KCNIP4: variants seen among roughly 807,000 people sequenced by gnomAD.
The protein encoded by KCNIP4 is potassium voltage-gated channel interacting protein 4, also known as Kv channel-interacting protein 4.
KCNIP4 carries 12 observed loss-of-function variants against 34.0 expected under a neutral mutation model. The observed-to-expected ratio is 0.35, with a 90% confidence interval of 0.23 to 0.57. The LOEUF (loss-of-function observed/expected upper bound fraction) is 0.57, where lower values mean the gene tolerates loss of function less well. Ranked by LOEUF, KCNIP4 falls within the 20% of genes least tolerant of loss-of-function variation. The probability of loss-of-function intolerance (pLI) is 0.83; values close to 1 mark genes in which losing one functional copy is unlikely to be tolerated. For synonymous variants in KCNIP4, 124 were observed against 102.2 expected (o/e 1.21, Z -1.29); for missense variants, 238 against 311.7 (o/e 0.76, Z 1.78).
At chr4:21,045,845 T>C (rs998822991) in intron 1 of KCNIP4, among the ~76,000 whole-genome samples, 6 of 152,238 alleles carry the variant, frequency 3.9e-5, no homozygotes, top group African/African-American at 1.4e-4. Context: ...GCCAGGCATC[T>C]CATTTCATGA....
intron 1 of KCNIP4, among the ~76,000 whole-genome samples, chr4:21,121,623 A>T (rs1750164341): frequency 6.6e-6 from 1 of 152,278 alleles, no homozygotes; most frequent in Non-Finnish European, 1.5e-5. Flanking sequence ...ACCTTGAGCA[A>T]GTTACTTAAC....
At chr4:21,206,666 T>G (rs1436288073) in intron 1 of KCNIP4, among the ~76,000 whole-genome samples, 1 of 152,202 alleles carries the variant, frequency 6.6e-6, no homozygotes, top group East Asian at 1.9e-4. Context: ...AGTTGCTTTA[T>G]TGTTTTAACA....
At chr4:21,587,713 A>G (rs1038201143) in intron 1 of KCNIP4, among the ~76,000 whole-genome samples, 5 of 152,078 alleles carry the variant, frequency 3.3e-5, no homozygotes, top group Non-Finnish European at 7.4e-5. Flanking sequence ...AGGAATGACC[A>G]AGAGAACCAT....
At chr4:21,904,519 C>A (rs780045950) in intron 1 of KCNIP4, among the ~76,000 whole-genome samples, 7 of 152,128 alleles carry the variant, frequency 4.6e-5, no homozygotes, top group Non-Finnish European at 1.0e-4. Flanking sequence ...GCTGATTGAA[C>A]CAGTGTCTCA....
chr4:21,912,929 A>C (rs940988686), intron 1 of KCNIP4, among the ~76,000 whole-genome samples: 14 of 151,974 alleles, frequency 9.2e-5, no homozygotes, highest in African/African-American at 3.1e-4. Flanking sequence ...TATTTTTAAA[A>C]TTCCCCTCTG....
intron 1 of KCNIP4, among the ~76,000 whole-genome samples, chr4:21,318,983 T>A: frequency 6.6e-6 from 1 of 152,156 alleles, no homozygotes; most frequent in East Asian, 1.9e-4. Flanking sequence ...TTGATAATGG[T>A]TGTACACACC....
At chr4:21,735,344 A>G (rs749506053) in intron 1 of KCNIP4, among the ~76,000 whole-genome samples, 1 of 152,224 alleles carries the variant, frequency 6.6e-6, no homozygotes, top group Non-Finnish European at 1.5e-5. Context: ...ATGAAGTTAT[A>G]ATTCAATAAA....
At chr4:20,757,761 T>A (rs1419791879) in intron 4 of KCNIP4, among the ~76,000 whole-genome samples, 3 of 152,144 alleles carry the variant, frequency 2.0e-5, no homozygotes, top group Non-Finnish European at 4.4e-5. Context: ...AGTTTCCACG[T>A]GTGTATCTTT....
intron 5 of KCNIP4, among the ~76,000 whole-genome samples, chr4:20,738,283 C>T (rs886426710): frequency 7.2e-5 from 11 of 152,114 alleles, no homozygotes; most frequent in Non-Finnish European, 1.2e-4. Context: ...AAATTCACAG[C>T]GTAGTAATAA....
intron 1 of KCNIP4, among the ~76,000 whole-genome samples, chr4:21,930,131 T>C (rs1476372429): frequency 6.6e-6 from 1 of 152,130 alleles, no homozygotes; most frequent in African/African-American, 2.4e-5. Context: ...TAACATTCTT[T>C]GCAAGTATCC....
At chr4:20,887,618 G>GGGTTGA (rs1725455012) in intron 1 of KCNIP4, among the ~76,000 whole-genome samples, 1 of 152,042 alleles carries the variant, frequency 6.6e-6, no homozygotes, top group Non-Finnish European at 1.5e-5. Context: ...GGGGAATACA[G>GGGTTGA]AGACTATCAA....
chr4:20,729,266 CTG>C lies in KCNIP4; in HGVS notation c.*814_*815del, dbSNP rs1747103621. 6.6e-6 allele frequency: 1 copy of C among 151,992 alleles called. No individual in the cohort carries two copies. The highest frequency in any genetic ancestry group is 1.5e-5 in the Non-Finnish European group (1 of 67,968). The allele number at this position is 151,992 out of a possible 1,614,324, so 9.4% of individuals were successfully genotyped here. On this transcript the variant is annotated 3_prime_UTR_variant, in exon 9 of 9. Transcript: ENST00000382152. The stretch of plus-strand genomic sequence containing the variant: ...AGATATCCTGACCCTTTGCATATGT[CTG>C]TAAACATCCTTGTTTTGTTTGATGC...
At chr4:21,082,525 A>G (rs1746086455) in intron 1 of KCNIP4, among the ~76,000 whole-genome samples, 1 of 151,812 alleles carries the variant, frequency 6.6e-6, no homozygotes, top group Non-Finnish European at 1.5e-5. Context: ...TTGCTTTATT[A>G]CAGCAATATA....
chr4:20,841,947 C>T (rs1257115208), intron 3 of KCNIP4, among the ~76,000 whole-genome samples: 1 of 152,102 alleles, frequency 6.6e-6, no homozygotes, highest in Non-Finnish European at 1.5e-5. Flanking sequence ...CTTGACATTG[C>T]AGATACAATG....
chr4:21,781,269 A>G (rs945989871), intron 1 of KCNIP4, among the ~76,000 whole-genome samples: 1 of 152,070 alleles, frequency 6.6e-6, no homozygotes, highest in African/African-American at 2.4e-5. Flanking sequence ...CCCTGTGAAG[A>G]AGGTCCTTGT....
intron 5 of KCNIP4, among the ~76,000 whole-genome samples, chr4:20,737,266 G>C (rs1009099199): frequency 6.7e-6 from 1 of 149,356 alleles, no homozygotes; most frequent in African/African-American, 2.5e-5. Context: ...GGAGAACAGA[G>C]CATTTCCCTA....
intron 1 of KCNIP4, among the ~76,000 whole-genome samples, chr4:21,520,745 C>T (rs1278255586): frequency 6.6e-6 from 1 of 152,024 alleles, no homozygotes; most frequent in Non-Finnish European, 1.5e-5. Context: ...GCTGCCTGCC[C>T]ACCTGAGAAA....
chr4:20,782,884 C>T (rs1392289092), intron 3 of KCNIP4, among the ~76,000 whole-genome samples: 1 of 152,170 alleles, frequency 6.6e-6, no homozygotes, highest in Non-Finnish European at 1.5e-5. Flanking sequence ...TGCAAATTTT[C>T]CAAACTTTTA....
intron 5 of KCNIP4, among the ~76,000 whole-genome samples, chr4:20,735,624 C>T (rs1464925251): frequency 2.6e-5 from 4 of 151,110 alleles, no homozygotes; most frequent in Non-Finnish European, 5.9e-5. Context: ...CCACCTCCCA[C>T]CTCCCAGGTT....
Sources: allele counts gnomAD v4.1 joint callset (sites outside exome capture counted in the v4.1 genomes callset), GRCh38; gene constraint gnomAD v4.1.1; transcripts MANE v1.5; gene names NCBI Gene and HGNC (gene_info 2026-07-23, HGNC 2026-07-21).